KLF15: variants seen among roughly 807,000 people sequenced by gnomAD.
KLF15 encodes the protein Krueppel-like factor 15.
A neutral mutation model predicts 24.6 loss-of-function variants in KLF15; 4 were observed. The observed-to-expected ratio is 0.16, with a 90% CI of 0.08 to 0.37. The LOEUF (loss-of-function observed/expected upper bound fraction) is 0.37. Among genes scored for constraint, KLF15 ranks in the 10% least tolerant of loss-of-function variants. The probability of loss-of-function intolerance (pLI) is 1.00; values close to 1 mark genes in which losing one functional copy is unlikely to be tolerated. For synonymous variants in KLF15, 246 were observed against 236.3 expected, an observed-to-expected ratio of 1.04 and a Z score of -0.37; for missense variants, 496 against 560.6, an observed-to-expected ratio of 0.88 and a Z score of 1.16.
At chr3:126,315,110 C>T in the KLF15 span, among the ~76,000 whole-genome samples, 1 of 152,104 alleles carries the variant, frequency 6.6e-6, no homozygotes, top group Non-Finnish European at 1.5e-5. Flanking sequence ...AGGCTGTCAC[C>T]CTGATCTCCA....
At position 126,343,890 on chromosome 3, in the gene KLF15, G is replaced by A. The variant is rs1432091548; in HGVS notation, c.1088C>T (p.Ser363Leu). ...CTWPGCGWRFSRSDELSRHRR... is the reference protein window; with the variant it reads ...CTWPGCGWRFLRSDELSRHRR... ...GTGCCGCGACAGCTCGTCAGAGCGC[G>A]AGAACCTGCGGGACATGGCGCGGTC... Residue 363 changes from serine to leucine, a missense_variant, in exon 3 of 3, where the codon TCG (serine) becomes TTG (leucine). Physicochemically the swap from Ser to Leu is moderately radical, Grantham distance 145. This residue lies in a region of KLF15 where 59 missense variants were observed against 106.1 expected (regional missense o/e 0.56). Coordinates refer to ENST00000296233, the MANE Select transcript of KLF15 (RefSeq NM_014079.4). 3 of 1,588,632 alleles carry A rather than the reference G, an allele frequency of 1.9e-6. No individual in the cohort carries two copies. Among genetic ancestry groups the A allele is most frequent in the Admixed American group, 1.8e-5 (1 of 55,826 alleles).
the KLF15 span, among the ~76,000 whole-genome samples, chr3:126,315,358 G>A: frequency 2.6e-5 from 4 of 152,188 alleles, no homozygotes; most frequent in Admixed American, 2.0e-4. Flanking sequence ...CTTGGTGGGG[G>A]CACTTTTCAA....
rs115337429 is a variant in KLF15, at chr3:126,353,592, A to G, written c.-25-645T>C. ...TAAAAATTATTTCACCTGAGATTCA[A>G]ATTTAACTAGGCCGCCTGCATTTTA... On this transcript the variant is annotated intron_variant, in intron 1 of 2. Coordinates refer to ENST00000296233, the MANE Select transcript of KLF15 (RefSeq NM_014079.4). 7.4e-3 allele frequency among the ~76,000 whole-genome samples: 1,134 copies of G among 152,360 alleles called. 18 individuals carry two copies. Among genetic ancestry groups the G allele is most frequent in the African/African-American group, 0.026 (1,081 of 41,574 alleles).
At chr3:126,329,685 T>C in the KLF15 span, among the ~76,000 whole-genome samples, 1 of 151,526 alleles carries the variant, frequency 6.6e-6, no homozygotes, top group East Asian at 1.9e-4. Flanking sequence ...TTTGGATTTG[T>C]ACTGGAATTG....
rs1347378671 is a variant in KLF15, at chr3:126,343,911, C to A, written c.1083-16G>T. On this transcript the variant is annotated splice_polypyrimidine_tract_variant and intron_variant, in intron 2 of 2. Transcript: ENST00000296233. Reference sequence around the variant, plus strand: ...GCGCGAGAACCTGCGGGACATGGCGCGGTCAGCGAGGCCTGGCCCTGCCTG... The same window carrying A: ...GCGCGAGAACCTGCGGGACATGGCGAGGTCAGCGAGGCCTGGCCCTGCCTG... The A allele has an allele frequency of 1.3e-6, 2 of 1,565,100 alleles. No individual in the cohort carries two copies. The highest frequency in any genetic ancestry group is 2.3e-5 in the East Asian group (1 of 43,478).
intron 2 of KLF15, among the ~76,000 whole-genome samples, chr3:126,345,391 G>T (rs2082527010): frequency 6.6e-6 from 1 of 152,120 alleles, no homozygotes; most frequent in Admixed American, 6.5e-5. Context: ...AGGTGCTGAG[G>T]AGGTGGATTT....
chr3:126,298,184 A>G, the KLF15 span, among the ~76,000 whole-genome samples: 7 of 150,804 alleles, frequency 4.6e-5, no homozygotes, highest in Non-Finnish European at 8.9e-5. Context: ...TTTGATTTGC[A>G]TTTTCCTGAT....
At chr3:126,322,226 T>A in the KLF15 span, among the ~76,000 whole-genome samples, 1 of 134,468 alleles carries the variant, frequency 7.4e-6, no homozygotes, top group Non-Finnish European at 1.6e-5. Flanking sequence ...GACCACAAAC[T>A]TGGGAACTTA....
the KLF15 span, among the ~76,000 whole-genome samples, chr3:126,304,356 G>A: frequency 3.9e-5 from 6 of 152,104 alleles, no homozygotes; most frequent in African/African-American, 7.2e-5. Context: ...TGAATTAAGA[G>A]GTTTCCTAGA....
In KLF15 at chr3:126,352,492, A is replaced by G. The variant is rs1158783601; in HGVS notation, c.431T>C (p.Ile144Thr). The change falls in exon 2 of 3, where the codon ATT (isoleucine) becomes ACT (threonine). Residue 144 changes from isoleucine to threonine, a missense_variant. By Grantham distance (89) the Ile-to-Thr change is moderately conservative (BLOSUM62 -1). Around this residue, in one of 3 missense-constraint regions of KLF15, gnomAD observed 399 missense variants for 423.1 expected, o/e 0.94. Transcript: ENST00000296233. ...CATGTTCTCCTCCAGAAACTCTTCA[A>G]TCTCCTCCAGGGTAGGCTGGAAGGG... is the stretch of plus-strand genomic sequence containing the variant. ...PRPFQPTLEE[I>T]EEFLEENMEP... The G allele has an allele frequency of 1.2e-6, 2 of 1,613,380 alleles. No homozygotes were observed. The highest frequency in any genetic ancestry group is 2.2e-5 in the East Asian group (1 of 44,868).
At chr3:126,298,701 A>G in the KLF15 span, among the ~76,000 whole-genome samples, 29 of 152,288 alleles carry the variant, frequency 1.9e-4, no homozygotes, top group African/African-American at 6.3e-4. Flanking sequence ...CAATTGTCCC[A>G]GCACCATTTG....
the KLF15 span, among the ~76,000 whole-genome samples, chr3:126,302,301 T>TAGTC: frequency 1.0e-3 from 154 of 152,326 alleles, no homozygotes; most frequent in African/African-American, 3.6e-3. Context: ...GCCCAGAATG[T>TAGTC]AGTCAGTCTT....
chr3:126,311,675 T>C, the KLF15 span, among the ~76,000 whole-genome samples: 1 of 152,216 alleles, frequency 6.6e-6, no homozygotes, highest in Non-Finnish European at 1.5e-5. Context: ...ACTTACATCC[T>C]CCAACCTTCA....
At chr3:126,296,423 G>A in the KLF15 span, among the ~76,000 whole-genome samples, 1 of 152,208 alleles carries the variant, frequency 6.6e-6, no homozygotes, top group East Asian at 1.9e-4. Flanking sequence ...TAGCCAGGAT[G>A]GTCTTTATCT....
the KLF15 span, among the ~76,000 whole-genome samples, chr3:126,310,788 C>A: frequency 6.6e-6 from 1 of 152,212 alleles, no homozygotes; most frequent in African/African-American, 2.4e-5. Flanking sequence ...CTGCAAGACC[C>A]TGTCTCCAAA....
the KLF15 span, among the ~76,000 whole-genome samples, chr3:126,307,866 C>G: frequency 2.0e-5 from 3 of 152,182 alleles, no homozygotes; most frequent in Non-Finnish European, 4.4e-5. Context: ...TAGTTCCCCC[C>G]AGGCCAGGCC....
the KLF15 span, among the ~76,000 whole-genome samples, chr3:126,318,938 CCT>C: frequency 6.6e-6 from 1 of 152,170 alleles, no homozygotes; most frequent in Non-Finnish European, 1.5e-5. Context: ...CCCTAAAAAT[CCT>C]CTGTGTTCTG....
chr3:126,323,057 G>A, the KLF15 span, among the ~76,000 whole-genome samples: 1 of 148,156 alleles, frequency 6.7e-6, no homozygotes, highest in Non-Finnish European at 1.5e-5. Context: ...TATTTGCTGT[G>A]ATTATACATA....
At chr3:126,341,612 C>T (rs1450997428), downstream of KLF15, among the ~76,000 whole-genome samples, 2 of 152,148 alleles carry the variant, frequency 1.3e-5, no homozygotes, top group African/African-American at 2.4e-5. Flanking sequence ...ATAGGATGTC[C>T]ATCCTCCTAT....
Sources: gnomAD v4.1 joint callset for allele counts (sites outside exome capture counted in the v4.1 genomes callset) on GRCh38, gnomAD v4.1.1 for gene constraint, gnomAD v4.1.1 regional missense constraint, MANE v1.5 for transcripts, NCBI Gene and HGNC (gene_info 2026-07-23, HGNC 2026-07-21) for gene names.